The following OSBPL9 variants were observed in gnomAD, a reference collection of about 807,000 sequenced individuals.
OSBPL9 encodes the protein oxysterol binding protein like 9.
In OSBPL9, 40 loss-of-function variants were observed where a neutral mutation model predicts 106.6. That is an observed-to-expected ratio of 0.38 (90% CI 0.29 to 0.49). The LOEUF (loss-of-function observed/expected upper bound fraction) is 0.49. Ranked by LOEUF, OSBPL9 falls within the 20% of genes least tolerant of loss-of-function variation. The pLI is 0.97. For synonymous variants in OSBPL9, 269 were observed against 295.4 expected, an observed-to-expected ratio of 0.91 and a Z score of 0.92; for missense variants, 609 against 887.2, an observed-to-expected ratio of 0.69 and a Z score of 3.98.
At chr1:51,783,355 T>A (rs535270732) in intron 17 of OSBPL9, among the ~76,000 whole-genome samples, 3,589 of 151,036 alleles carry the variant, frequency 0.024, 65 homozygotes, top group Non-Finnish European at 0.036. Flanking sequence ...TCTTATTTTT[T>A]TTTTTTTTTT....
chr1:51,569,177 C>T, the OSBPL9 span, among the ~76,000 whole-genome samples: 3 of 152,172 alleles, frequency 2.0e-5, no homozygotes, highest in African/African-American at 7.2e-5. Flanking sequence ...AAAAAAAGGT[C>T]ACTTCCTTGA....
At chr1:51,570,317 T>A in the OSBPL9 span, among the ~76,000 whole-genome samples, 1 of 152,224 alleles carries the variant, frequency 6.6e-6, no homozygotes, top group Non-Finnish European at 1.5e-5. Context: ...AATAACCCCA[T>A]GAAGTGGGTT....
intron 21 of OSBPL9, 108 bp downstream of exon 21, chr1:51,785,994 A>G (rs939314124): frequency 2.1e-6 from 2 of 948,138 alleles, no homozygotes; most frequent in African/African-American, 1.7e-5. Context: ...TTCCTTCTAC[A>G]GTATATTAGA....
chr1:51,617,021 G>GGCC, upstream of OSBPL9: 7 of 704,334 alleles, frequency 9.9e-6, no homozygotes, highest in Non-Finnish European at 1.5e-5. Flanking sequence ...CCCAGGACCC[G>GGCC]CCCCGCCCCC....
the OSBPL9 span, among the ~76,000 whole-genome samples, chr1:51,523,991 A>G: frequency 6.6e-6 from 1 of 152,154 alleles, no homozygotes; most frequent in Non-Finnish European, 1.5e-5. Flanking sequence ...TTTGCATGAG[A>G]CTTTGAGAGA....
intron 2 of OSBPL9, among the ~76,000 whole-genome samples, chr1:51,659,249 A>G (rs1570867261): frequency 6.6e-6 from 1 of 152,158 alleles, no homozygotes; most frequent in East Asian, 1.9e-4. Context: ...TTCTTTGACA[A>G]CAATGGAAAA....
intron 2 of OSBPL9, among the ~76,000 whole-genome samples, chr1:51,665,963 TCG>T (rs1418287685): frequency 6.6e-6 from 1 of 152,120 alleles, no homozygotes; most frequent in Non-Finnish European, 1.5e-5. Context: ...TTCTCCTGCC[TCG>T]GCCTCCTGAG....
intron 1 of OSBPL9, among the ~76,000 whole-genome samples, chr1:51,624,946 A>G (rs570373544): frequency 6.6e-6 from 1 of 152,370 alleles, no homozygotes; most frequent in African/African-American, 2.4e-5. Flanking sequence ...TGTGAATAGA[A>G]TATGAATGGC....
chr1:51,719,018 ACT>A (rs980317877), intron 4 of OSBPL9, among the ~76,000 whole-genome samples: 9 of 151,806 alleles, frequency 5.9e-5, no homozygotes, highest in Admixed American at 3.3e-4. Context: ...CTGTAAGATG[ACT>A]CTTTTTCCCC....
intron 1 of OSBPL9, among the ~76,000 whole-genome samples, chr1:51,623,516 G>A (rs1009747966): frequency 2.6e-5 from 4 of 152,108 alleles, no homozygotes; most frequent in Non-Finnish European, 5.9e-5. Context: ...TTGGAGAGAG[G>A]GTTAGAAACT....
intron 3 of OSBPL9, among the ~76,000 whole-genome samples, chr1:51,670,773 C>A (rs1054922898): frequency 2.6e-5 from 4 of 152,118 alleles, no homozygotes; most frequent in Non-Finnish European, 5.9e-5. Flanking sequence ...TATGAAAGCC[C>A]AGAGTTTTTA....
chr1:51,575,569 T>G (rs1385590626), upstream of OSBPL9, among the ~76,000 whole-genome samples: 2 of 152,062 alleles, frequency 1.3e-5, no homozygotes, highest in East Asian at 3.9e-4. Context: ...TCAACACACA[T>G]CCAGTAAGAC....
At chr1:51,552,582 G>C in the OSBPL9 span, among the ~76,000 whole-genome samples, 1 of 151,996 alleles carries the variant, frequency 6.6e-6, no homozygotes, top group East Asian at 1.9e-4. Context: ...GACAAAACCA[G>C]ACTAAAAAGT....
At chr1:51,520,201 A>C in the OSBPL9 span, among the ~76,000 whole-genome samples, 1 of 152,206 alleles carries the variant, frequency 6.6e-6, no homozygotes, top group Non-Finnish European at 1.5e-5. Flanking sequence ...AACTGTTTTC[A>C]ATATATTTCT....
At chr1:51,543,575 T>C in the OSBPL9 span, among the ~76,000 whole-genome samples, 118 of 152,226 alleles carry the variant, frequency 7.8e-4, no homozygotes, top group African/African-American at 2.8e-3. Flanking sequence ...TTTTGTATCA[T>C]TAGTAGAGAC....
chr1:51,613,445 A>G (rs1644003486), upstream of OSBPL9, among the ~76,000 whole-genome samples: 1 of 152,236 alleles, frequency 6.6e-6, no homozygotes, highest in African/African-American at 2.4e-5. Flanking sequence ...ACTCTCAGGT[A>G]CCTGGGTAAG....
chr1:51,524,406 G>A, the OSBPL9 span, among the ~76,000 whole-genome samples: 1 of 152,116 alleles, frequency 6.6e-6, no homozygotes, highest in Non-Finnish European at 1.5e-5. Context: ...GCAGAAGTGA[G>A]GAACTATACC....
intron 2 of OSBPL9, among the ~76,000 whole-genome samples, chr1:51,667,533 T>G (rs999881993): frequency 8.5e-5 from 13 of 152,222 alleles, no homozygotes; most frequent in East Asian, 3.9e-4. Context: ...CAGAGAGAGA[T>G]AACTTTTCGC....
At chr1:51,608,037 G>A (rs781709524) in intron 2 of OSBPL9, among the ~76,000 whole-genome samples, 1 of 152,172 alleles carries the variant, frequency 6.6e-6, no homozygotes, top group Non-Finnish European at 1.5e-5. Context: ...GCACTTGGGC[G>A]GGCCGCATAC....
Sources: gnomAD v4.1 joint callset for allele counts (sites outside exome capture counted in the v4.1 genomes callset) on GRCh38, gnomAD v4.1.1 for gene constraint, MANE v1.5 for transcripts, NCBI Gene and HGNC (gene_info 2026-07-23, HGNC 2026-07-21) for gene names.